The following MGAT4C variants were observed in gnomAD, a reference collection of about 807,000 sequenced individuals.
The protein encoded by MGAT4C is alpha-1,3-mannosyl-glycoprotein 4-beta-N-acetylglucosaminyltransferase C.
In MGAT4C, 19 loss-of-function variants were observed where a neutral mutation model predicts 40.1. The observed-to-expected ratio is 0.47, with a 90% CI of 0.33 to 0.70. The LOEUF (loss-of-function observed/expected upper bound fraction) is 0.70. Among genes scored for constraint, MGAT4C ranks in the 30% least tolerant of loss-of-function variants. MGAT4C has a pLI of 0.02. For synonymous variants in MGAT4C, 181 were observed against 187.1 expected (o/e 0.97, Z 0.27); for missense variants, 491 against 563.2 (o/e 0.87, Z 1.30).
chr12:86,119,691 G>T, intron 1 of MGAT4C, among the ~76,000 whole-genome samples: 1 of 149,110 alleles, frequency 6.7e-6, no homozygotes, highest in African/African-American at 2.5e-5. Flanking sequence ...TTACAGCGGT[G>T]AGCCACTATG....
chr12:86,171,196 C>A (rs576403958), intron 1 of MGAT4C, among the ~76,000 whole-genome samples: 14 of 152,030 alleles, frequency 9.2e-5, no homozygotes, highest in South Asian at 8.3e-4. Context: ...ATAGAGAAAC[C>A]GTGTCTATAC....
At chr12:86,200,245 C>T (rs900434024) in intron 1 of MGAT4C, among the ~76,000 whole-genome samples, 2 of 144,848 alleles carry the variant, frequency 1.4e-5, no homozygotes, top group Admixed American at 7.0e-5. Flanking sequence ...TATTGCATTG[C>T]ATTTTATGAA....
At chr12:86,735,705 AAAGAT>A (rs1401791067) in intron 1 of MGAT4C, among the ~76,000 whole-genome samples, 14 of 151,916 alleles carry the variant, frequency 9.2e-5, no homozygotes, top group Non-Finnish European at 1.5e-5. Flanking sequence ...TTCAGATACA[AAAGAT>A]TAGATCATAT....
At chr12:86,461,000 C>A (rs1240176647) in intron 2 of MGAT4C, among the ~76,000 whole-genome samples, 1 of 152,078 alleles carries the variant, frequency 6.6e-6, no homozygotes, top group East Asian at 1.9e-4. Context: ...AATGTCAATT[C>A]TTGTTTCCTA....
intron 3 of MGAT4C, among the ~76,000 whole-genome samples, chr12:86,348,833 A>G (rs1955096864): frequency 6.6e-6 from 1 of 152,084 alleles, no homozygotes; most frequent in Admixed American, 6.6e-5. Flanking sequence ...TGGTACTTGG[A>G]AACTTTTAAA....
intron 2 of MGAT4C, among the ~76,000 whole-genome samples, chr12:86,032,070 T>G (rs1890803538): frequency 6.6e-6 from 1 of 151,972 alleles, no homozygotes. Flanking sequence ...TCCATCTCCA[T>G]CTGTGTTGCT....
intron 1 of MGAT4C, among the ~76,000 whole-genome samples, chr12:86,107,127 T>C (rs927740798): frequency 2.0e-5 from 3 of 152,198 alleles, no homozygotes; most frequent in African/African-American, 4.8e-5. Context: ...CTTCAGTAAA[T>C]GTGTATCTTG....
At chr12:86,469,942 A>T (rs1957734933) in intron 2 of MGAT4C, among the ~76,000 whole-genome samples, 1 of 152,070 alleles carries the variant, frequency 6.6e-6, no homozygotes, top group African/African-American at 2.4e-5. Context: ...TTTTCTCAGT[A>T]TTTTTATTTC....
At chr12:86,792,299 T>C (rs376940083) in intron 1 of MGAT4C, among the ~76,000 whole-genome samples, 3 of 152,156 alleles carry the variant, frequency 2.0e-5, no homozygotes, top group African/African-American at 7.2e-5. Flanking sequence ...TAACCAATAC[T>C]TGTTTAAAAT....
At chr12:86,682,751 T>C (rs574343062) in intron 2 of MGAT4C, among the ~76,000 whole-genome samples, 2 of 152,234 alleles carry the variant, frequency 1.3e-5, no homozygotes, top group South Asian at 2.1e-4. Context: ...CCACAGCCCA[T>C]GGCCTTCAAG....
chr12:86,696,916 A>T (rs1369878940), intron 2 of MGAT4C, among the ~76,000 whole-genome samples: 4 of 152,140 alleles, frequency 2.6e-5, no homozygotes, highest in Admixed American at 2.0e-4. Context: ...CCAGACAAAT[A>T]AACATTAGAA....
chr12:86,563,352 G>C (rs1042823196), intron 2 of MGAT4C, among the ~76,000 whole-genome samples: 1 of 152,190 alleles, frequency 6.6e-6, no homozygotes. Context: ...AGAATGTAGA[G>C]CTCTGGCATG....
At chr12:86,180,229 A>G (rs921224955) in intron 1 of MGAT4C, among the ~76,000 whole-genome samples, 1 of 152,214 alleles carries the variant, frequency 6.6e-6, no homozygotes, top group African/African-American at 2.4e-5. Context: ...GAGGTTTGAG[A>G]ACCTCTGCCT....
chr12:86,499,127 C>T (rs1295812293), intron 2 of MGAT4C, among the ~76,000 whole-genome samples: 3 of 151,622 alleles, frequency 2.0e-5, no homozygotes, highest in Non-Finnish European at 2.9e-5. Context: ...TATAAAAATG[C>T]TTTAATCAAC....
intron 3 of MGAT4C, among the ~76,000 whole-genome samples, chr12:86,418,070 G>C (rs376649508): frequency 6.6e-6 from 1 of 151,908 alleles, no homozygotes; most frequent in Non-Finnish European, 1.5e-5. Flanking sequence ...TTGTAAATAC[G>C]TATTCAAAGA....
intron 4 of MGAT4C, among the ~76,000 whole-genome samples, chr12:86,284,852 G>GTT (rs774194125): frequency 6.6e-6 from 1 of 151,942 alleles, no homozygotes; most frequent in African/African-American, 2.4e-5. Context: ...GAAGAAAAAT[G>GTT]TAATTCAGAA....
In MGAT4C at chr12:86,603,725, T is replaced by G. The variant is rs868200175; in HGVS notation, c.-229+123484A>C. Among the ~76,000 whole-genome samples the G allele has an allele frequency of 3.1e-3, 406 of 131,362 alleles. 1 individual carries two copies. The highest frequency in any genetic ancestry group is 4.9e-3 in the Non-Finnish European group (310 of 62,988). 86.2% of individuals were successfully genotyped at this position (131,362 alleles called of 152,430 possible). ...TATCTATAGTCTATAGACTATATAC[T>G]ATATAATTATATATACTATATATTA... is the stretch of plus-strand genomic sequence containing the variant. On this transcript the variant is annotated intron_variant, in intron 2 of 7. Coordinates refer to the MGAT4C transcript ENST00000548651.
intron 3 of MGAT4C, among the ~76,000 whole-genome samples, chr12:86,345,233 T>A (rs1207556709): frequency 6.6e-6 from 1 of 152,062 alleles, no homozygotes; most frequent in Non-Finnish European, 1.5e-5. Flanking sequence ...GCTTATTTTT[T>A]ATGCTCACTT....
At chr12:86,364,550 G>A (rs1205009809) in intron 3 of MGAT4C, among the ~76,000 whole-genome samples, 3 of 152,082 alleles carry the variant, frequency 2.0e-5, no homozygotes, top group Non-Finnish European at 2.9e-5. Context: ...TTATTGAATA[G>A]GGAATCCTCT....
Sources: gnomAD v4.1 joint callset for allele counts (sites outside exome capture counted in the v4.1 genomes callset) on GRCh38, gnomAD v4.1.1 for gene constraint, MANE v1.5 for transcripts, NCBI Gene and HGNC (gene_info 2026-07-23, HGNC 2026-07-21) for gene names.